The following SLC9A9 variants were observed in gnomAD, a reference collection of about 807,000 sequenced individuals.
The protein encoded by SLC9A9 is solute carrier family 9 member A9, also known as sodium/hydrogen exchanger 9.
A neutral mutation model predicts 77.8 loss-of-function variants in SLC9A9; 62 were observed. That is an observed-to-expected ratio of 0.80 (90% CI 0.65 to 0.98). SLC9A9 has a LOEUF of 0.98. SLC9A9 is among the 50% of genes least tolerant of loss of function. SLC9A9 has a pLI of 0.00. For missense variants in SLC9A9, 775 were observed against 774.9 expected, an observed-to-expected ratio of 1.00 and a Z score of 0.00; for synonymous variants, 320 against 283.5, an observed-to-expected ratio of 1.13 and a Z score of -1.29.
chr3:143,650,984 T>C (rs1053859447), intron 6 of SLC9A9, among the ~76,000 whole-genome samples: 3 of 152,238 alleles, frequency 2.0e-5, no homozygotes, highest in African/African-American at 7.2e-5. Context: ...GTCGGCATGA[T>C]TCTTTCCCAA....
At chr3:143,717,921 G>A (rs184411470) in intron 4 of SLC9A9, among the ~76,000 whole-genome samples, 1 of 127,670 alleles carries the variant, frequency 7.8e-6, no homozygotes, top group Admixed American at 7.8e-5. Context: ...AAAATGAATT[G>A]TTATACAGAG....
intron 4 of SLC9A9, among the ~76,000 whole-genome samples, chr3:143,783,722 G>T (rs12629294): frequency 3.4e-4 from 51 of 152,110 alleles, no homozygotes; most frequent in African/African-American, 1.2e-3. Flanking sequence ...ACTTCTGGGG[G>T]TGGAAAGGAA....
intron 14 of SLC9A9, among the ~76,000 whole-genome samples, chr3:143,359,495 G>A (rs758640098): frequency 6.6e-6 from 1 of 152,140 alleles, no homozygotes; most frequent in Non-Finnish European, 1.5e-5. Context: ...GTAAAGGAAG[G>A]AAGCAAGCAA....
At chr3:143,594,101 T>A (rs2037710195) in intron 6 of SLC9A9, among the ~76,000 whole-genome samples, 1 of 152,146 alleles carries the variant, frequency 6.6e-6, no homozygotes, top group South Asian at 2.1e-4. Context: ...AAAAAGAGCT[T>A]AATTGGTAAG....
At chr3:143,535,107 T>G (rs2036571465) in intron 9 of SLC9A9, among the ~76,000 whole-genome samples, 1 of 152,222 alleles carries the variant, frequency 6.6e-6, no homozygotes, top group African/African-American at 2.4e-5. Flanking sequence ...ATCTGGTACC[T>G]AATTCCTATA....
intron 4 of SLC9A9, among the ~76,000 whole-genome samples, chr3:143,718,833 A>G (rs1019483620): frequency 1.3e-5 from 2 of 152,130 alleles, no homozygotes; most frequent in African/African-American, 4.8e-5. Flanking sequence ...CGAGGTGACA[A>G]TTGAATATAA....
At chr3:143,691,903 G>A (rs1163336368) in intron 5 of SLC9A9, among the ~76,000 whole-genome samples, 1 of 152,096 alleles carries the variant, frequency 6.6e-6, no homozygotes, top group Non-Finnish European at 1.5e-5. Flanking sequence ...TATAGGTTGT[G>A]TTCTGGTAGT....
rs1006405172 is a variant in SLC9A9, at chr3:143,538,021, T to C, written c.1089+14341A>G. 3.7e-4 allele frequency among the ~76,000 whole-genome samples: 57 copies of C among 152,222 alleles called. 2 individuals are homozygous for C. Among genetic ancestry groups the C allele is most frequent in the Non-Finnish European group, 8.8e-5 (6 of 68,018 alleles). ...TGGATGAAATCCAAATTCCTTCTTT[T>C]GGGTTGCCTAGGCCTTAGGTCCATG... On this transcript the variant is annotated intron_variant, in intron 9 of 15. Coordinates refer to ENST00000316549, the MANE Select transcript of SLC9A9 (RefSeq NM_173653.4).
chr3:143,670,353 A>G (rs1263948457), intron 5 of SLC9A9, among the ~76,000 whole-genome samples: 1 of 152,246 alleles, frequency 6.6e-6, no homozygotes, highest in Non-Finnish European at 1.5e-5. Flanking sequence ...GCAGGGTTAC[A>G]GAGCAGCATG....
chr3:143,706,828 T>C (rs1450379474), intron 4 of SLC9A9, among the ~76,000 whole-genome samples: 1 of 152,208 alleles, frequency 6.6e-6, no homozygotes, highest in Non-Finnish European at 1.5e-5. Context: ...TTATTTTTAG[T>C]TCATCAGCTA....
intron 4 of SLC9A9, among the ~76,000 whole-genome samples, chr3:143,751,943 A>T (rs2006734447): frequency 6.6e-6 from 1 of 152,178 alleles, no homozygotes; most frequent in African/African-American, 2.4e-5. Flanking sequence ...AGTGAGGCTG[A>T]CTGTAAGAAA....
At chr3:143,527,367 T>C (rs2036424521) in intron 9 of SLC9A9, among the ~76,000 whole-genome samples, 1 of 152,236 alleles carries the variant, frequency 6.6e-6, no homozygotes, top group South Asian at 2.1e-4. Context: ...TGACAACTTG[T>C]GTTTTTTATT....
At chr3:143,287,287 G>T (rs1210368051) in intron 14 of SLC9A9, among the ~76,000 whole-genome samples, 1 of 152,050 alleles carries the variant, frequency 6.6e-6, no homozygotes, top group African/African-American at 2.4e-5. Context: ...CTGGGTAAAG[G>T]TTTTGCTTTG....
intron 2 of SLC9A9, among the ~76,000 whole-genome samples, chr3:143,816,175 G>A (rs4839659): frequency 0.87 from 132,444 of 152,036 alleles, 58,723 homozygotes; most frequent in Middle Eastern, 0.96. Flanking sequence ...ATGTGTAGTC[G>A]TAAACCATAG....
intron 4 of SLC9A9, among the ~76,000 whole-genome samples, chr3:143,786,017 C>A (rs1051628112): frequency 6.6e-6 from 1 of 151,426 alleles, no homozygotes; most frequent in East Asian, 1.9e-4. Flanking sequence ...CCACCATGCC[C>A]GGCTAATTTT....
intron 6 of SLC9A9, among the ~76,000 whole-genome samples, chr3:143,625,967 A>G (rs1210676223): frequency 6.6e-6 from 1 of 152,262 alleles, no homozygotes; most frequent in Non-Finnish European, 1.5e-5. Context: ...ATATGAACAG[A>G]CACTTCTCAA....
chr3:143,464,806 T>A (rs2035256513), intron 12 of SLC9A9, among the ~76,000 whole-genome samples: 1 of 152,230 alleles, frequency 6.6e-6, no homozygotes, highest in South Asian at 2.1e-4. Flanking sequence ...GTGGTTCTGA[T>A]GTTCATTCAA....
At chr3:143,561,977 T>C (rs1426233274) in intron 8 of SLC9A9, among the ~76,000 whole-genome samples, 2 of 152,242 alleles carry the variant, frequency 1.3e-5, no homozygotes, top group East Asian at 3.8e-4. Context: ...ATGTGCTTGC[T>C]ATTCCTAGTA....
At chr3:143,371,972 T>G (rs1205338806) in intron 13 of SLC9A9, 2 of 415,254 alleles carry the variant, frequency 4.8e-6, no homozygotes. Context: ...TTACAACAGC[T>G]TCAAAGAAAG....
Sources: allele counts gnomAD v4.1 joint callset (sites outside exome capture counted in the v4.1 genomes callset), GRCh38; gene constraint gnomAD v4.1.1; transcripts MANE v1.5; gene names NCBI Gene and HGNC (gene_info 2026-07-23, HGNC 2026-07-21).